Variants in NTN1 observed in about 807,000 individuals in gnomAD.
NTN1 encodes the protein netrin-1.
A neutral mutation model predicts 54.2 loss-of-function variants in NTN1; 11 were observed. The observed-to-expected ratio is 0.20, with a 90% CI of 0.13 to 0.34. NTN1 has a LOEUF of 0.34. Among genes scored for constraint, NTN1 ranks in the 10% least tolerant of loss-of-function variants. NTN1 has a pLI of 1.00. For missense variants in NTN1, 740 were observed against 893.1 expected, an observed-to-expected ratio of 0.83 and a Z score of 2.18; for synonymous variants, 371 against 382.0, an observed-to-expected ratio of 0.97 and a Z score of 0.33.
chr17:9,239,528 T>C lies in NTN1; in HGVS notation c.1487-112T>C, dbSNP rs907977777. 2.9e-6 allele frequency: 3 copies of C among 1,049,492 alleles called. No homozygotes were observed. Among genetic ancestry groups the C allele is most frequent in the South Asian group, 3.1e-5 (2 of 65,442 alleles). The allele number at this position is 1,049,492 out of a possible 1,614,324, so 65.0% of individuals were successfully genotyped here. On this transcript the variant is annotated intron_variant, in intron 6 of 6. Transcript: ENST00000173229. This position sits in a 1 kb window ranked among gnomAD's most constrained non-coding sequence, Gnocchi z 5.2. ...CCACGCGCTCCTGTATGGGCCACTC[T>C]GTGCAGTCACTTCCTGGGGCTGGGT...
chr17:9,117,195 AG>A lies in NTN1; in HGVS notation c.1019-45615del, dbSNP rs1212082652. On this transcript the variant is annotated intron_variant, in intron 2 of 6. Transcript: ENST00000173229. Reference sequence around the variant, plus strand: ...GTGAATAGAGAGAAAGCCGAGAGACAGGGCAGGGAGGCAGAGAGGACATAAA... The same window carrying A: ...GTGAATAGAGAGAAAGCCGAGAGACAGGCAGGGAGGCAGAGAGGACATAAA... Among the ~76,000 whole-genome samples, 4 of 152,340 alleles carry A rather than the reference AG, an allele frequency of 2.6e-5. No homozygotes were observed. The East Asian group carries it at 7.7e-4, about 29-fold the overall frequency.
At chr17:9,043,756 T>C (rs2091931128) in intron 2 of NTN1, among the ~76,000 whole-genome samples, 2 of 151,978 alleles carry the variant, frequency 1.3e-5, no homozygotes, top group African/African-American at 4.8e-5. Context: ...AATTTTGTGT[T>C]TTTAGTAGAG....
chr17:9,091,080 C>A (rs538047981), intron 2 of NTN1, among the ~76,000 whole-genome samples: 15 of 152,310 alleles, frequency 9.8e-5, no homozygotes, highest in East Asian at 1.9e-4. Context: ...CTGCTTATGT[C>A]TCACTGCCTA....
intron 2 of NTN1, among the ~76,000 whole-genome samples, chr17:9,134,770 C>A (rs2092275908): frequency 6.6e-6 from 1 of 152,104 alleles, no homozygotes. Flanking sequence ...ATCACAGAGC[C>A]CGCTGAGTTT....
chr17:9,185,671 C>T (rs950295797), intron 5 of NTN1, among the ~76,000 whole-genome samples: 5 of 152,098 alleles, frequency 3.3e-5, no homozygotes, highest in Non-Finnish European at 5.9e-5. Context: ...GCATGGTACC[C>T]AAGGCTCCCC....
At chr17:9,060,039 T>C (rs1479329438) in intron 2 of NTN1, among the ~76,000 whole-genome samples, 2 of 152,146 alleles carry the variant, frequency 1.3e-5, no homozygotes, top group African/African-American at 2.4e-5. Flanking sequence ...TACATATCTA[T>C]GCAAAATACT....
chr17:9,013,049 T>G, the NTN1 span, among the ~76,000 whole-genome samples: 9 of 151,922 alleles, frequency 5.9e-5, no homozygotes, highest in Non-Finnish European at 1.5e-5. Context: ...GGTGTGTGTG[T>G]TGTGTGTGTC....
At chr17:9,069,573 C>G (rs141266588) in intron 2 of NTN1, among the ~76,000 whole-genome samples, 8 of 152,296 alleles carry the variant, frequency 5.3e-5, no homozygotes, top group Non-Finnish European at 1.2e-4. Flanking sequence ...GTTGAATTTT[C>G]TGAGCAGCTT....
chr17:9,053,625 G>A (rs1250721952), intron 2 of NTN1, among the ~76,000 whole-genome samples: 1 of 152,226 alleles, frequency 6.6e-6, no homozygotes, highest in Non-Finnish European at 1.5e-5. Flanking sequence ...TCTGTCCTCA[G>A]GGTCTAGCAG....
intron 2 of NTN1, among the ~76,000 whole-genome samples, chr17:9,119,741 T>G (rs1443852872): frequency 6.6e-6 from 1 of 152,124 alleles, no homozygotes; most frequent in Non-Finnish European, 1.5e-5. Context: ...CAAGCAATCT[T>G]TCTGCTCTGG....
the NTN1 span, among the ~76,000 whole-genome samples, chr17:9,005,961 G>A: frequency 3.3e-5 from 5 of 152,342 alleles, no homozygotes; most frequent in Admixed American, 1.3e-4. Context: ...GCCCCCCTTG[G>A]CAAGGCAAAT....
chr17:9,103,425 G>T (rs1486116212), intron 2 of NTN1, among the ~76,000 whole-genome samples: 1 of 152,182 alleles, frequency 6.6e-6, no homozygotes, highest in African/African-American at 2.4e-5. Flanking sequence ...TCATGGGGGA[G>T]TTTGCCTCCG....
chr17:9,070,594 A>G (rs2092028955), intron 2 of NTN1, among the ~76,000 whole-genome samples: 2 of 151,974 alleles, frequency 1.3e-5, no homozygotes. Context: ...TGGAGCTCAC[A>G]TTTTTATTTT....
At chr17:9,119,467 C>T (rs912989791) in intron 2 of NTN1, among the ~76,000 whole-genome samples, 1 of 151,604 alleles carries the variant, frequency 6.6e-6, no homozygotes, top group Non-Finnish European at 1.5e-5. Context: ...GGATTACAGG[C>T]GTGAGCCACC....
intron 2 of NTN1, among the ~76,000 whole-genome samples, chr17:9,070,215 G>T (rs527505624): frequency 1.2e-4 from 18 of 152,184 alleles, no homozygotes; most frequent in Admixed American, 8.5e-4. Context: ...TGCCCTCTTC[G>T]TGTGATTGTT....
intron 5 of NTN1, among the ~76,000 whole-genome samples, chr17:9,196,770 T>C (rs1904645301): frequency 6.6e-6 from 1 of 152,126 alleles, no homozygotes; most frequent in Non-Finnish European, 1.5e-5. Flanking sequence ...TACAGTGTAT[T>C]GTGGGATTAA....
intron 2 of NTN1, among the ~76,000 whole-genome samples, chr17:9,126,459 G>A (rs993387116): frequency 3.1e-4 from 34 of 110,704 alleles, no homozygotes; most frequent in Admixed American, 7.2e-4. Context: ...GCGGTGAGCC[G>A]AGATCGTGCC....
At chr17:9,126,234 C>T (rs1007356196) in intron 2 of NTN1, among the ~76,000 whole-genome samples, 7 of 152,180 alleles carry the variant, frequency 4.6e-5, no homozygotes, top group African/African-American at 1.4e-4. Flanking sequence ...TAGGGCTGGG[C>T]GTGATGGCTC....
intron 2 of NTN1, among the ~76,000 whole-genome samples, chr17:9,139,434 C>T (rs943959421): frequency 1.3e-5 from 2 of 152,196 alleles, no homozygotes; most frequent in African/African-American, 4.8e-5. Flanking sequence ...AACCATATTT[C>T]ACTGAATCCT....
Sources: allele counts gnomAD v4.1 joint callset (sites outside exome capture counted in the v4.1 genomes callset), GRCh38; gene constraint gnomAD v4.1.1; non-coding constraint Gnocchi (gnomAD v3.1); transcripts MANE v1.5; gene names NCBI Gene and HGNC (gene_info 2026-07-23, HGNC 2026-07-21).